PRKDC: variants seen among roughly 807,000 people sequenced by gnomAD.
The protein encoded by PRKDC is DNA-dependent protein kinase catalytic subunit.
In PRKDC, 82 loss-of-function variants were observed where a neutral mutation model predicts 486.9. The ratio of observed to expected loss-of-function variants is 0.17; its 90% CI spans 0.14 to 0.20. The LOEUF (loss-of-function observed/expected upper bound fraction) is 0.20, where lower values mean the gene tolerates loss of function less well. Ranked by LOEUF, PRKDC falls within the 10% of genes least tolerant of loss-of-function variation. The probability of loss-of-function intolerance (pLI) is 1.00; values close to 1 mark genes in which losing one functional copy is unlikely to be tolerated. For missense variants in PRKDC, 4,504 were observed against 5,038.2 expected (o/e 0.89, Z 3.21); for synonymous variants, 1,895 against 1,837.0 (o/e 1.03, Z -0.81).
Position 47,935,053 on chromosome 8 carries a change from G to C in PRKDC, c.1453C>G (p.Gln485Glu). ...TTAGAACATATTCTGATTAAACCCTGATGCACTGAAAAAAGAAAAAGAAAA... is the reference window on the plus strand; with the variant it reads ...TTAGAACATATTCTGATTAAACCCTCATGCACTGAAAAAAGAAAAAGAAAA... ...LRNCISTVVH[Q>E]GLIRICSKPV... is the part of the protein sequence containing the mutation. The change falls in exon 14 of 86, where the codon CAG becomes GAG. Residue 485 changes from glutamine (Q) to glutamate (E), a missense_variant. Physicochemically the swap from Gln to Glu is conservative, Grantham distance 29. Around this residue, in one of 6 missense-constraint regions of PRKDC, gnomAD observed 1,969 missense variants for 2,068.9 expected, o/e 0.95. Transcript: ENST00000314191. 4.7e-6 allele frequency: 7 copies of C among 1,500,872 alleles called. No homozygotes were observed. The highest frequency in any genetic ancestry group is 6.3e-6 in the Non-Finnish European group (7 of 1,117,436). 93.0% of individuals were successfully genotyped at this position (1,500,872 alleles called of 1,614,324 possible).
chr8:47,886,069 T>A lies in PRKDC; in HGVS notation c.4651A>T (p.Ile1551Phe). Reference sequence around the variant, plus strand: ...AAATACTCCCCATGGGAGAAGTGGATGACGCTGCCCTGTGAGCTGCCCAAG... The same window carrying A: ...AAATACTCCCCATGGGAGAAGTGGAAGACGCTGCCCTGTGAGCTGCCCAAG... Reference protein sequence around the residue: ...ASLGSSQGSVIHFSHGEYFYS... With the variant: ...ASLGSSQGSVFHFSHGEYFYS... Residue 1551 changes from isoleucine (I) to phenylalanine (F), a missense_variant, in exon 36 of 86, where the codon ATC (isoleucine) becomes TTC (phenylalanine). By Grantham distance (21) the Ile-to-Phe change is conservative. Transcript: ENST00000314191. The A allele has an allele frequency of 1.2e-6, 2 of 1,613,732 alleles. No homozygotes were observed. Among genetic ancestry groups the A allele is most frequent in the Non-Finnish European group, 1.7e-6 (2 of 1,179,892 alleles).
At chr8:47,849,124 G>A (rs370460940) in intron 54 of PRKDC, 30 bp downstream of exon 54, 49 of 1,607,506 alleles carry the variant, frequency 3.0e-5, no homozygotes, top group Middle Eastern at 3.3e-4. Flanking sequence ...GAGCCAGTGG[G>A]ACCCAAGAGC....
chr8:47,917,764 A>G (rs1446064293), intron 22 of PRKDC, among the ~76,000 whole-genome samples: 1 of 152,220 alleles, frequency 6.6e-6, no homozygotes, highest in African/African-American at 2.4e-5. Flanking sequence ...TATCCACTAA[A>G]TACATTTGAG....
intron 68 of PRKDC, among the ~76,000 whole-genome samples, chr8:47,807,888 G>C (rs1228102441): frequency 2.6e-5 from 4 of 151,962 alleles, no homozygotes; most frequent in Non-Finnish European, 5.9e-5. Context: ...GATAATTTTT[G>C]TATTTTTAGT....
intron 25 of PRKDC, among the ~76,000 whole-genome samples, chr8:47,908,338 T>C (rs1401276304): frequency 2.0e-5 from 3 of 152,218 alleles, no homozygotes; most frequent in Non-Finnish European, 2.9e-5. Context: ...CTTTATACAT[T>C]TGTCCATTTT....
rs997554872 is a variant in PRKDC, at chr8:47,820,996, C to T, written c.9112-53G>A. ...CTACAGAAGGCCAATTTGAGTATGT[C>T]TAATTATTTTATTTCTATTATATTC... is the stretch of plus-strand genomic sequence containing the variant. On this transcript the variant is annotated intron_variant, in intron 65 of 85. Coordinates refer to ENST00000314191, the MANE Select transcript of PRKDC (RefSeq NM_006904.7). 1.1e-5 allele frequency: 12 copies of T among 1,140,810 alleles called. No homozygotes were observed. The African/African-American group carries it at 1.5e-4, about 15-fold the overall frequency. 70.7% of individuals were successfully genotyped at this position (1,140,810 alleles called of 1,614,324 possible).
chr8:47,945,301 T>G (rs142371634), intron 7 of PRKDC, among the ~76,000 whole-genome samples: 6 of 152,224 alleles, frequency 3.9e-5, no homozygotes, highest in Admixed American at 3.9e-4. Flanking sequence ...CAGATACAAT[T>G]CGTTGGCACT....
chr8:47,958,844 T>C (rs112044267), intron 1 of PRKDC, among the ~76,000 whole-genome samples: 1 of 151,608 alleles, frequency 6.6e-6, no homozygotes, highest in Non-Finnish European at 1.5e-5. Flanking sequence ...CAAGACATTC[T>C]CCTGTCTCAG....
intron 69 of PRKDC, among the ~76,000 whole-genome samples, chr8:47,806,558 G>A (rs376996273): frequency 3.2e-4 from 48 of 152,300 alleles, no homozygotes; most frequent in African/African-American, 1.1e-3. Flanking sequence ...TTGATAGAGG[G>A]TCATTAACAT....
At chr8:47,853,119 A>G (rs916209133) in intron 51 of PRKDC, among the ~76,000 whole-genome samples, 8 of 152,160 alleles carry the variant, frequency 5.3e-5, no homozygotes, top group Non-Finnish European at 1.2e-4. Context: ...TTCAAAACCC[A>G]CCTACTATAG....
chr8:47,890,519 T>C, intron 31 of PRKDC, 39 bp from the exon 32 acceptor site: 1 of 1,402,040 alleles, frequency 7.1e-7, no homozygotes, highest in Non-Finnish European at 9.7e-7. Flanking sequence ...ATATGCTTCC[T>C]TTCAACTCCA....
intron 68 of PRKDC, among the ~76,000 whole-genome samples, chr8:47,816,785 C>A (rs2087457061): frequency 6.6e-6 from 1 of 151,032 alleles, no homozygotes; most frequent in African/African-American, 2.4e-5. Context: ...TTTCTTGCAA[C>A]TTTTCCACAA....
At chr8:47,903,807 A>G (rs2089726853) in intron 26 of PRKDC, among the ~76,000 whole-genome samples, 1 of 152,220 alleles carries the variant, frequency 6.6e-6, no homozygotes, top group South Asian at 2.1e-4. Context: ...GAAACATTAT[A>G]ATGAAAACAT....
At position 47,782,732 on chromosome 8, in the gene PRKDC, G is replaced by A. The variant is rs767769432; in HGVS notation, c.11176-134C>T. On this transcript the variant is annotated intron_variant, in intron 78 of 85. Coordinates refer to ENST00000314191, the MANE Select transcript of PRKDC (RefSeq NM_006904.7). The surrounding 1 kb of genome is among the most constrained non-coding windows in gnomAD (Gnocchi z 4.9). ...ACAGTGCCAAAGAGCAGAGCGCCCAGGCCAGCAACGAATTTCTGCTACCTG... is the reference window on the plus strand; with the variant it reads ...ACAGTGCCAAAGAGCAGAGCGCCCAAGCCAGCAACGAATTTCTGCTACCTG... The A allele has an allele frequency of 4.6e-5, 42 of 908,812 alleles. No homozygotes were observed. The highest frequency in any genetic ancestry group is 5.5e-5 in the Non-Finnish European group (34 of 613,572). 56.3% of individuals were successfully genotyped at this position (908,812 alleles called of 1,614,324 possible). A position where few individuals can be genotyped will look rare whatever the true frequency, so the allele number is the denominator to read the frequency against.
At chr8:47,904,772 G>A (rs2089743908) in intron 26 of PRKDC, 97 bp downstream of exon 26, 2 of 957,634 alleles carry the variant, frequency 2.1e-6, no homozygotes, top group Non-Finnish European at 1.5e-6. Flanking sequence ...CAGCCTGGGC[G>A]ACGGAGCAAG....
chr8:47,834,568 G>A (rs144969747), intron 58 of PRKDC, among the ~76,000 whole-genome samples, 172 bp from the exon 59 acceptor site: 53 of 152,254 alleles, frequency 3.5e-4, no homozygotes, highest in African/African-American at 1.2e-3. Flanking sequence ...AACCAGGTAC[G>A]TGCGCCTCAG....
At chr8:47,891,150 A>G (rs1025938678) in intron 31 of PRKDC, among the ~76,000 whole-genome samples, 3 of 152,130 alleles carry the variant, frequency 2.0e-5, no homozygotes, top group African/African-American at 7.2e-5. Context: ...TGAAAGACAG[A>G]CCCACCCTCA....
chr8:47,779,232 T>A, intron 80 of PRKDC, 139 bp from the exon 81 acceptor site: 1 of 604,734 alleles, frequency 1.7e-6, no homozygotes, highest in East Asian at 2.9e-5. Context: ...ATATTCAATA[T>A]TAACATTGAA....
chr8:47,928,213 G>C (rs2090186793), intron 19 of PRKDC, among the ~76,000 whole-genome samples: 1 of 147,788 alleles, frequency 6.8e-6, no homozygotes, highest in Admixed American at 6.8e-5. Context: ...TGGAGTGCAT[G>C]GTGCAATCTC....
Sources: allele counts gnomAD v4.1 joint callset (sites outside exome capture counted in the v4.1 genomes callset), GRCh38; gene constraint gnomAD v4.1.1; regional missense constraint gnomAD v4.1.1; non-coding constraint Gnocchi (gnomAD v3.1); transcripts MANE v1.5; gene names NCBI Gene and HGNC (gene_info 2026-07-23, HGNC 2026-07-21).